CASP5: variants seen among roughly 807,000 people sequenced by gnomAD.
CASP5 encodes caspase 5.
CASP5 carries 42 observed loss-of-function variants against 45.2 expected under a neutral mutation model. The observed-to-expected ratio is 0.93, with a 90% CI of 0.73 to 1.20. The LOEUF (loss-of-function observed/expected upper bound fraction) is 1.20. CASP5 is among the 50% of genes most tolerant of loss of function. The pLI is 0.00. For synonymous variants in CASP5, 209 were observed against 186.2 expected (o/e 1.12, Z -1.00); for missense variants, 512 against 532.2 (o/e 0.96, Z 0.37).
chr11:105,009,880 T>TATATACAC (rs1862238403), intron 1 of CASP5, among the ~76,000 whole-genome samples: 1 of 139,376 alleles, frequency 7.2e-6, no homozygotes, highest in African/African-American at 2.8e-5. Flanking sequence ...TATACACACA[T>TATATACAC]ATATATACAC....
intron 9 of CASP5, among the ~76,000 whole-genome samples, chr11:104,994,713 G>A (rs146476461): frequency 6.6e-6 from 1 of 152,254 alleles, no homozygotes; most frequent in Non-Finnish European, 1.5e-5. Flanking sequence ...CTATCTCATT[G>A]TAGTTCTTTT....
chr11:105,012,402 G>A (rs1269418186), intron 1 of CASP5, among the ~76,000 whole-genome samples: 3 of 151,702 alleles, frequency 2.0e-5, no homozygotes, highest in Non-Finnish European at 4.4e-5. Context: ...CTAAAAATAT[G>A]GGAAAAGAAA....
chr11:105,022,162 G>A (rs1024921507), intron 1 of CASP5, among the ~76,000 whole-genome samples: 1 of 121,920 alleles, frequency 8.2e-6, no homozygotes, highest in African/African-American at 3.1e-5. Flanking sequence ...GCCTGTTGTG[G>A]GGTGGGGGGA....
chr11:105,013,319 G>A (rs935768659), intron 1 of CASP5, among the ~76,000 whole-genome samples: 14 of 152,044 alleles, frequency 9.2e-5, no homozygotes, highest in African/African-American at 3.4e-4. Flanking sequence ...AATTAGATCG[G>A]AGAAGTAAGT....
chr11:105,008,740 C>T (rs1862125908), intron 2 of CASP5, 67 bp downstream of exon 2: 1 of 1,115,286 alleles, frequency 9.0e-7, no homozygotes, highest in East Asian at 2.4e-5. Flanking sequence ...GAAGTCACTG[C>T]ATGGGACTTA....
intron 1 of CASP5, among the ~76,000 whole-genome samples, chr11:105,017,696 TGACGGG>T (rs1410481279): frequency 6.6e-6 from 1 of 151,760 alleles, no homozygotes; most frequent in African/African-American, 2.4e-5. Context: ...TACCTGAAAG[TGACGGG>T]GAGAATGGAA....
chr11:105,015,133 C>A (rs1367330348), intron 1 of CASP5, among the ~76,000 whole-genome samples: 1 of 151,604 alleles, frequency 6.6e-6, no homozygotes, highest in Non-Finnish European at 1.5e-5. Context: ...TGTTTGTTTG[C>A]AGAAAATTGA....
chr11:105,017,615 A>C (rs1004060334), intron 1 of CASP5, among the ~76,000 whole-genome samples: 28 of 152,040 alleles, frequency 1.8e-4, no homozygotes, highest in Non-Finnish European at 3.2e-4. Flanking sequence ...AAAAAAGAAT[A>C]AAAAGAAATG....
intron 1 of CASP5, among the ~76,000 whole-genome samples, chr11:105,021,465 A>G (rs893617822): frequency 2.0e-5 from 3 of 150,494 alleles, no homozygotes; most frequent in African/African-American, 7.3e-5. Context: ...ATTTACAAGA[A>G]AAAAACAAAC....
intron 4 of CASP5, 86 bp from the exon 5 acceptor site, chr11:105,002,287 C>A (rs1861778815): frequency 8.2e-6 from 9 of 1,097,262 alleles, no homozygotes; most frequent in Non-Finnish European, 1.2e-5. Flanking sequence ...TTTTTAAGAC[C>A]TCATGCAGCT....
intron 5 of CASP5, 97 bp from the exon 6 acceptor site, chr11:105,000,592 T>G: frequency 1.8e-6 from 2 of 1,120,566 alleles, no homozygotes; most frequent in South Asian, 2.7e-5. Context: ...ATATGTAACA[T>G]CCGGGTCGTG....
rs753024188 is a variant in CASP5, at chr11:105,000,217, G to A, written c.952+44C>T. 14 of 1,590,862 alleles carry A rather than the reference G, an allele frequency of 8.8e-6. No individual in the cohort carries two copies. The African/African-American group carries it at 1.7e-4, about 20-fold the overall frequency. ...TATAAACCAAACATCACAATCCTCT[G>A]CATACACCTTCAAAACTGTTAGATG... On this transcript the variant is annotated intron_variant, in intron 6 of 9. Transcript: ENST00000260315.
chr11:105,004,462 T>C (rs1861904518), intron 3 of CASP5, among the ~76,000 whole-genome samples: 1 of 152,168 alleles, frequency 6.6e-6, no homozygotes, highest in Non-Finnish European at 1.5e-5. Flanking sequence ...AAGGAATTTA[T>C]GTATACAAAT....
In CASP5 at chr11:105,007,286, T is replaced by G. The variant is rs777519801; in HGVS notation, c.230A>C (p.Lys77Thr). ...KTVKMLEYLG[K>T]DVLHGVFNYL... ...ATTAAAAACACCATGAAGAACATCT[T>G]TGCCCAGGTATTCCAACATCTTAAC... Residue 77 changes from lysine to threonine, a missense_variant, in exon 3 of 10, where the codon AAA (lysine) becomes ACA (threonine). By Grantham distance (78) the Lys-to-Thr change is moderately conservative. Coordinates refer to ENST00000260315, the MANE Select transcript of CASP5 (RefSeq NM_004347.5). 3 of 1,610,372 alleles carry G rather than the reference T, an allele frequency of 1.9e-6. No individual in the cohort carries two copies. Among genetic ancestry groups the G allele is most frequent in the Non-Finnish European group, 2.5e-6 (3 of 1,179,560 alleles).
chr11:105,000,122 A>T, intron 6 of CASP5, 139 bp downstream of exon 6: 1 of 848,970 alleles, frequency 1.2e-6, no homozygotes, highest in Non-Finnish European at 1.9e-6. Flanking sequence ...TCAGCCCCTT[A>T]GGTAGAGTTT....
At position 105,002,238 on chromosome 11, in the gene CASP5, G is replaced by C. The variant is rs370717259; in HGVS notation, c.544-37C>G. On this transcript the variant is annotated intron_variant, in intron 4 of 9. Coordinates refer to ENST00000260315, the MANE Select transcript of CASP5 (RefSeq NM_004347.5). ...GGAGATGAAGCAACTTTGATTACCC[G>C]AGTCTCTTTTCAACCCCCATATGCC... The C allele has an allele frequency of 3.1e-6, 5 of 1,605,646 alleles. No homozygotes were observed. In the African/African-American group the frequency reaches 6.7e-5, roughly 22 times the overall value.
intron 1 of CASP5, among the ~76,000 whole-genome samples, chr11:105,012,252 C>T (rs1232285297): frequency 6.6e-6 from 1 of 151,604 alleles, no homozygotes; most frequent in Non-Finnish European, 1.5e-5. Context: ...GAAAACGGGC[C>T]CTTATCTGCC....
In CASP5 at chr11:105,010,656, T is replaced by G. The variant is rs569338561; in HGVS notation, c.8-1676A>C. ...TTATCAATTTTATAAGTCATTTAAA[T>G]AATAGGCTGCCCTAAATCACATGAA... On this transcript the variant is annotated intron_variant, in intron 1 of 9. Coordinates refer to ENST00000260315, the MANE Select transcript of CASP5 (RefSeq NM_004347.5). Among the ~76,000 whole-genome samples the G allele has an allele frequency of 1.7e-3, 262 of 151,612 alleles. 1 individual carries two copies. The highest frequency in any genetic ancestry group is 0.014 in the South Asian group (69 of 4,822).
At position 104,998,918 on chromosome 11, in the gene CASP5, TCTC is replaced by T. The variant is rs780168311; in HGVS notation, c.1060_1062del (p.Glu354del). ...GAAGAACAGAAAGCAATGAAGTCCT[TCTC>T]CTCGTGGATCTTGCAAACAGAATCT... On this transcript the variant is annotated inframe_deletion, in exon 7 of 10. Transcript: ENST00000260315. 21 of 1,613,912 alleles carry T rather than the reference TCTC, an allele frequency of 1.3e-5. No individual in the cohort carries two copies. The highest frequency in any genetic ancestry group is 1.7e-5 in the Non-Finnish European group (20 of 1,179,900).
Sources: gnomAD v4.1 joint callset for allele counts (sites outside exome capture counted in the v4.1 genomes callset) on GRCh38, gnomAD v4.1.1 for gene constraint, MANE v1.5 for transcripts, NCBI Gene and HGNC (gene_info 2026-07-23, HGNC 2026-07-21) for gene names.